Variants in MYO10 observed in about 807,000 individuals in gnomAD.
The protein encoded by MYO10 is myosin X.
Under a neutral mutation model 257.3 loss-of-function variants are expected in MYO10, and 133 were observed. That is an observed-to-expected ratio of 0.52 (90% CI 0.45 to 0.60). The LOEUF (loss-of-function observed/expected upper bound fraction) is 0.60, where lower values mean the gene tolerates loss of function less well. MYO10 is among the 20% of genes least tolerant of loss of function. The pLI is 0.00. For synonymous variants in MYO10, 1,104 were observed against 1,028.6 expected, an observed-to-expected ratio of 1.07 and a Z score of -1.40; for missense variants, 2,399 against 2,635.7, an observed-to-expected ratio of 0.91 and a Z score of 1.97.
intron 21 of MYO10, among the ~76,000 whole-genome samples, chr5:16,709,026 C>T (rs566488192): frequency 8.5e-5 from 13 of 152,326 alleles, no homozygotes; most frequent in Admixed American, 2.6e-4. Context: ...AAGCTCAGCA[C>T]TGTGTAGAAT....
intron 38 of MYO10, 121 bp from the exon 39 acceptor site, chr5:16,671,099 G>T: frequency 1.0e-6 from 1 of 956,604 alleles, no homozygotes; most frequent in Non-Finnish European, 1.5e-6. Context: ...GACTGCCCTG[G>T]CTAAAACTGT....
chr5:16,867,344 C>A (rs938132825), intron 2 of MYO10, among the ~76,000 whole-genome samples: 1 of 152,054 alleles, frequency 6.6e-6, no homozygotes, highest in East Asian at 1.9e-4. Flanking sequence ...AACAGGCTTG[C>A]GGAAGATTTT....
Position 16,665,651 on chromosome 5 carries a change from A to G in MYO10, c.*1041T>C, listed in dbSNP as rs1175349365. ...TCTCTCCCCCATAGTCAACATGGTT[A>G]TTATATCTGTAATCTATCCAGAATG... On this transcript the variant is annotated 3_prime_UTR_variant, in exon 41 of 41. Transcript: ENST00000513610. The G allele has an allele frequency of 3.3e-5, 5 of 152,438 alleles. No homozygotes were observed. Among genetic ancestry groups the G allele is most frequent in the East Asian group, 1.9e-4 (1 of 5,206 alleles). 9.4% of individuals were successfully genotyped at this position (152,438 alleles called of 1,614,324 possible). A position where few individuals can be genotyped will look rare whatever the true frequency, so the allele number is the denominator to read the frequency against.
At position 16,762,622 on chromosome 5, in the gene MYO10, C is replaced by T. The variant is rs1418209921; in HGVS notation, c.1510G>A (p.Ala504Thr). The T allele has an allele frequency of 6.2e-7, 1 of 1,604,606 alleles. No individual in the cohort carries two copies. The highest frequency in any genetic ancestry group is 8.5e-7 in the Non-Finnish European group (1 of 1,175,608). ...AAATGGCTTTCTTCATTGATAAGGG[C>T]TAGGAGGCCAAGTTTCTAGAAGAAG... ...DLIEKKLGLL[A>T]LINEESHFPQ... is the part of the protein sequence containing the mutation. Residue 504 changes from alanine to threonine, a missense_variant, in exon 15 of 41, where the codon GCC (alanine) becomes ACC (threonine). Coordinates refer to ENST00000513610, the MANE Select transcript of MYO10 (RefSeq NM_012334.3).
At chr5:16,772,748 CG>C (rs1403083545) in intron 9 of MYO10, among the ~76,000 whole-genome samples, 7 of 152,080 alleles carry the variant, frequency 4.6e-5, no homozygotes, top group African/African-American at 1.4e-4. Context: ...GTCTATTCAA[CG>C]GAATACCAAA....
intron 32 of MYO10, among the ~76,000 whole-genome samples, chr5:16,680,953 AT>A (rs1455495677): frequency 1.3e-5 from 2 of 152,164 alleles, no homozygotes; most frequent in Non-Finnish European, 2.9e-5. Context: ...AGATTGCACC[AT>A]TGCACTCCGG....
intron 2 of MYO10, among the ~76,000 whole-genome samples, chr5:16,819,787 GT>G (rs1013677983): frequency 1.3e-5 from 2 of 151,946 alleles, no homozygotes; most frequent in Admixed American, 6.6e-5. Context: ...CAATCCAATG[GT>G]TTTTTTTCAT....
At position 16,783,515 on chromosome 5, in the gene MYO10, A is replaced by T. The variant is rs535176327; in HGVS notation, c.468-46T>A. The T allele has an allele frequency of 1.9e-4, 296 of 1,551,764 alleles. 2 individuals are homozygous for T. Among genetic ancestry groups the T allele is most frequent in the African/African-American group, 8.9e-4 (65 of 72,768 alleles). ...GTTTGTGCTTCTAACTATAATTTTT[A>T]AAAAAAAATCAGCTTTGGTCAATGG... On this transcript the variant is annotated intron_variant, in intron 4 of 40. Coordinates refer to ENST00000513610, the MANE Select transcript of MYO10 (RefSeq NM_012334.3).
In MYO10 at chr5:16,879,571, A is replaced by C. The variant is rs142450497; in HGVS notation, c.22-1864T>G. Among the ~76,000 whole-genome samples the C allele has an allele frequency of 5.3e-5, 8 of 152,306 alleles. No homozygotes were observed. The East Asian group carries it at 1.5e-3, about 29-fold the overall frequency. On this transcript the variant is annotated intron_variant, in intron 1 of 40. Transcript: ENST00000513610. ...ATTCCAAGAGGAAATTGCAGCTTGG[A>C]GCTTAAGACTTTGCCCAGTGCCACA...
rs1286630422 is a variant in MYO10, at chr5:16,777,784, TG to T, written c.930+1760del. Among the ~76,000 whole-genome samples, 3 of 151,232 alleles carry T rather than the reference TG, an allele frequency of 2.0e-5. No homozygotes were observed. In the East Asian group the frequency reaches 5.8e-4, roughly 29 times the overall value. ...CAGTAAGTGCTCACTAAATGTCAGC[TG>T]CATTTGTGATGATTAGAATGATAAT... is the stretch of plus-strand genomic sequence containing the variant. On this transcript the variant is annotated intron_variant, in intron 9 of 40. Coordinates refer to ENST00000513610, the MANE Select transcript of MYO10 (RefSeq NM_012334.3).
intron 1 of MYO10, among the ~76,000 whole-genome samples, chr5:16,898,677 GGGATTAC>G (rs1332976716): frequency 6.6e-6 from 1 of 151,528 alleles, no homozygotes; most frequent in Non-Finnish European, 1.5e-5. Context: ...TCAAAGTGCT[GGGATTAC>G]AGGTGTGAGC....
chr5:16,775,900 A>AT (rs886372957), intron 9 of MYO10, among the ~76,000 whole-genome samples: 4 of 135,006 alleles, frequency 3.0e-5, no homozygotes, highest in Admixed American at 7.5e-5. Flanking sequence ...TCTTTTTCTA[A>AT]TTTTTTTATT....
chr5:16,877,063 G>C (rs1025042658), intron 2 of MYO10, among the ~76,000 whole-genome samples: 2 of 152,232 alleles, frequency 1.3e-5, no homozygotes, highest in African/African-American at 2.4e-5. Flanking sequence ...GAACCAGTGA[G>C]CAGAGGCCTC....
chr5:16,901,290 C>CAG (rs1745372065), intron 1 of MYO10, among the ~76,000 whole-genome samples: 1 of 152,138 alleles, frequency 6.6e-6, no homozygotes, highest in Non-Finnish European at 1.5e-5. Flanking sequence ...CGCCCCTCCT[C>CAG]CGTCAGTCAG....
chr5:16,792,530 G>A (rs959514106), intron 4 of MYO10, among the ~76,000 whole-genome samples: 1 of 152,112 alleles, frequency 6.6e-6, no homozygotes, highest in Non-Finnish European at 1.5e-5. Flanking sequence ...GTTTCAGAGG[G>A]GCCTCCTCTG....
chr5:16,753,790 T>G (rs1162946295), intron 19 of MYO10, among the ~76,000 whole-genome samples: 1 of 152,092 alleles, frequency 6.6e-6, no homozygotes, highest in Non-Finnish European at 1.5e-5. Flanking sequence ...CTTATAAGCA[T>G]ACATCTTTAA....
intron 9 of MYO10, among the ~76,000 whole-genome samples, chr5:16,772,681 A>G (rs1741091354): frequency 6.6e-6 from 1 of 152,206 alleles, no homozygotes; most frequent in African/African-American, 2.4e-5. Context: ...GCTGGCAATA[A>G]ATACTTTTAC....
intron 19 of MYO10, among the ~76,000 whole-genome samples, chr5:16,735,287 C>T (rs909335949): frequency 2.0e-5 from 3 of 152,094 alleles, no homozygotes; most frequent in Non-Finnish European, 2.9e-5. Flanking sequence ...AGAAAAACGC[C>T]CAGGTTAATG....
chr5:16,777,203 G>A (rs370981883), intron 9 of MYO10, among the ~76,000 whole-genome samples: 2 of 152,206 alleles, frequency 1.3e-5, no homozygotes, highest in Non-Finnish European at 2.9e-5. Context: ...TCCGCAGGCA[G>A]ATGCCAAAAG....
Sources: gnomAD v4.1 joint callset for allele counts (sites outside exome capture counted in the v4.1 genomes callset) on GRCh38, gnomAD v4.1.1 for gene constraint, MANE v1.5 for transcripts, NCBI Gene and HGNC (gene_info 2026-07-23, HGNC 2026-07-21) for gene names.